Variants in CD101 observed in about 807,000 individuals in gnomAD.
CD101 encodes CD101 molecule, also known as immunoglobulin superfamily member 2.
In CD101, 76 loss-of-function variants were observed where a neutral mutation model predicts 98.2. That is an observed-to-expected ratio of 0.77 (90% CI 0.64 to 0.94). The LOEUF is 0.94. Ranked by LOEUF, CD101 falls within the 40% of genes least tolerant of loss-of-function variation. The pLI is 0.00. For synonymous variants in CD101, 471 were observed against 472.7 expected, an observed-to-expected ratio of 1.00 and a Z score of 0.05; for missense variants, 1,145 against 1,218.8, an observed-to-expected ratio of 0.94 and a Z score of 0.90.
In CD101 at chr1:117,034,117, T is replaced by G. The variant is rs374720941; in HGVS notation, c.*16T>G. ...AGGCAACTGAATCCCAAGAGGCACC[T>G]GCAGCCAGGAAGGAAAGGTGGGGGC... is the stretch of plus-strand genomic sequence containing the variant. On this transcript the variant is annotated 3_prime_UTR_variant, in exon 9 of 10. Transcript: ENST00000682167. 6 of 1,613,276 alleles carry G rather than the reference T, an allele frequency of 3.7e-6. No individual in the cohort carries two copies. The African/African-American group carries it at 5.3e-5, about 14-fold the overall frequency.
chr1:117,023,817 C>T lies in CD101; in HGVS notation c.2429-1692C>T, dbSNP rs1422411225. ...GCACGTCATTTAGGGAACAAGTTAA[C>T]CAAGAGGCCCCAGAAAGATGCTGAG... On this transcript the variant is annotated intron_variant, in intron 7 of 9. Transcript: ENST00000682167. This position sits in a 1 kb window ranked among gnomAD's most constrained non-coding sequence, Gnocchi z 4.4. Among the ~76,000 whole-genome samples the T allele has an allele frequency of 1.3e-5, 2 of 152,036 alleles. No homozygotes were observed. The highest frequency in any genetic ancestry group is 4.8e-5 in the African/African-American group (2 of 41,376).
intron 7 of CD101, among the ~76,000 whole-genome samples, chr1:117,024,140 G>C (rs759248616): frequency 6.6e-6 from 1 of 152,196 alleles, no homozygotes; most frequent in Non-Finnish European, 1.5e-5. Flanking sequence ...AACTAAGAAA[G>C]AGTCCAAGAT....
intron 3 of CD101, 68 bp from the exon 4 acceptor site, chr1:117,013,338 C>G: frequency 1.3e-6 from 2 of 1,491,868 alleles, no homozygotes; most frequent in South Asian, 1.4e-5. Context: ...AGGGTGTCAT[C>G]TCTCTCTGGT....
Position 117,033,771 on chromosome 1 carries a change from C to T in CD101, c.2825-89C>T. 2 of 1,553,914 alleles carry T rather than the reference C, an allele frequency of 1.3e-6. No homozygotes were observed. The highest frequency in any genetic ancestry group is 2.3e-5 in the East Asian group (1 of 44,418). On this transcript the variant is annotated intron_variant, in intron 8 of 9. Transcript: ENST00000682167. This position sits in a 1 kb window ranked among gnomAD's most constrained non-coding sequence, Gnocchi z 4.8. Reference sequence around the variant, plus strand: ...CCCCATTATTTTTACATATACTTGCCTATAACAATAAATCCCAGGAGTGTT... The same window carrying T: ...CCCCATTATTTTTACATATACTTGCTTATAACAATAAATCCCAGGAGTGTT...
intron 8 of CD101, among the ~76,000 whole-genome samples, chr1:117,030,405 A>G (rs1038256286): frequency 3.3e-5 from 5 of 149,254 alleles, no homozygotes; most frequent in African/African-American, 7.4e-5. Context: ...CAAACAAACA[A>G]AGAGAGAGAG....
intron 9 of CD101, among the ~76,000 whole-genome samples, chr1:117,034,761 G>A (rs1040562981): frequency 1.3e-5 from 2 of 152,092 alleles, no homozygotes; most frequent in African/African-American, 4.8e-5. Context: ...TTTATTGTTT[G>A]ATAAGACTTT....
At chr1:117,028,386 G>T (rs1044607884) in intron 8 of CD101, among the ~76,000 whole-genome samples, 40 of 152,156 alleles carry the variant, frequency 2.6e-4, no homozygotes, top group African/African-American at 9.4e-4. Flanking sequence ...ACCAAGCAAG[G>T]TAATATATGA....
rs1654835123 is a variant in CD101 at position 117,036,392 on chromosome 1, C to CCCCT, written c.*262_*265dup. The CCCCT allele has an allele frequency of 6.6e-6, 1 of 152,332 alleles. No individual in the cohort carries two copies. Among genetic ancestry groups the CCCCT allele is most frequent in the African/African-American group, 2.4e-5 (1 of 41,426 alleles). The allele number at this position is 152,332 out of a possible 1,614,324, so 9.4% of individuals were successfully genotyped here. On this transcript the variant is annotated 3_prime_UTR_variant, in exon 10 of 10. Transcript: ENST00000682167. This position sits in a 1 kb window ranked among gnomAD's most constrained non-coding sequence, Gnocchi z 5.0. ...ACTCACTGCGGCTGCGCCACTGGGA[C>CCCCT]CCCTCCCCTACATGCACCAATGCAC... is the stretch of plus-strand genomic sequence containing the variant.
chr1:117,025,772 C>G lies in CD101; in HGVS notation c.2692C>G (p.Gln898Glu). 1 of 1,614,194 alleles carries G rather than the reference C, an allele frequency of 6.2e-7. No homozygotes were observed. Among genetic ancestry groups the G allele is most frequent in the Non-Finnish European group, 8.5e-7 (1 of 1,180,044 alleles). ...TACAGACTTTGTCCTGAAGCTTCAT[C>G]AGGTGGAGATGGAGGATGCAGGAAT... ...SSTDFVLKLHQVEMEDAGMYW... is the reference protein window; with the variant it reads ...SSTDFVLKLHEVEMEDAGMYW... Residue 898 changes from glutamine (Q) to glutamate (E), a missense_variant, in exon 8 of 10, where the codon CAG (glutamine) becomes GAG (glutamate). Physicochemically the swap from Gln to Glu is conservative, Grantham distance 29. Coordinates refer to ENST00000682167, the MANE Select transcript of CD101 (RefSeq NM_001256106.3).
Position 117,024,698 on chromosome 1 carries a change from G to A in CD101, c.2429-811G>A, listed in dbSNP as rs1398543760. On this transcript the variant is annotated intron_variant, in intron 7 of 9. Coordinates refer to ENST00000682167, the MANE Select transcript of CD101 (RefSeq NM_001256106.3). ...ATCCAATCATCTAAATAGCTCCCAT[G>A]GATGGCCTTCTAACACTTGCATCAA... Among the ~76,000 whole-genome samples the A allele has an allele frequency of 2.6e-5, 4 of 152,164 alleles. No individual in the cohort carries two copies. In the East Asian group the frequency reaches 7.7e-4, roughly 29 times the overall value.
Position 117,022,114 on chromosome 1 carries a change from C to A in CD101, c.2428+131C>A. ...AAGTCATAGGAACAGTATCTACCTA[C>A]ACATGACTGCAAGACCGAGTAGTCC... On this transcript the variant is annotated intron_variant, in intron 7 of 9. Transcript: ENST00000682167. This position sits in a 1 kb window ranked among gnomAD's most constrained non-coding sequence, Gnocchi z 4.8. The A allele has an allele frequency of 1.0e-6, 1 of 997,622 alleles. No individual in the cohort carries two copies. Among genetic ancestry groups the A allele is most frequent in the Non-Finnish European group, 1.5e-6 (1 of 681,498 alleles). The allele number at this position is 997,622 out of a possible 1,614,324, so 61.8% of individuals were successfully genotyped here.
At chr1:117,027,975 C>G (rs1353640342) in intron 8 of CD101, among the ~76,000 whole-genome samples, 1 of 152,102 alleles carries the variant, frequency 6.6e-6, no homozygotes, top group Non-Finnish European at 1.5e-5. Flanking sequence ...ATCCCAGCTA[C>G]TCGGGAGGCT....
Position 117,025,874 on chromosome 1 carries a change from C to T in CD101, c.2794C>T (p.Gln932Ter). Residue 932 changes from glutamine to a stop codon, truncating the protein, a stop_gained, in exon 8 of 10, where the codon CAG becomes TAG. Transcript: ENST00000682167. LOFTEE classifies it high-confidence loss of function. ...KWINQASDES[Q>*]RMVLTVLPSE... Reference sequence around the variant, plus strand: ...GATTAATCAAGCATCCGATGAGTCACAGCGGATGGTGCTCACGGTGCTGCC... The same window carrying T: ...GATTAATCAAGCATCCGATGAGTCATAGCGGATGGTGCTCACGGTGCTGCC... 6.2e-7 allele frequency: 1 copy of T among 1,612,968 alleles called. No individual in the cohort carries two copies. Among genetic ancestry groups the T allele is most frequent in the Non-Finnish European group, 8.5e-7 (1 of 1,179,090 alleles).
At chr1:117,016,453 C>T (rs1653223064) in intron 4 of CD101, among the ~76,000 whole-genome samples, 1 of 152,082 alleles carries the variant, frequency 6.6e-6, no homozygotes, top group Non-Finnish European at 1.5e-5. Flanking sequence ...GTTTCAGGCT[C>T]TTATATCTAC....
intron 7 of CD101, among the ~76,000 whole-genome samples, chr1:117,024,691 C>T (rs1653793698): frequency 6.6e-6 from 1 of 152,186 alleles, no homozygotes. Flanking sequence ...ATCTAAATAG[C>T]TCCCATGGAT....
chr1:117,003,091 A>G (rs1342260219), intron 1 of CD101, among the ~76,000 whole-genome samples: 1 of 152,036 alleles, frequency 6.6e-6, no homozygotes, highest in Non-Finnish European at 1.5e-5. Flanking sequence ...GCAGTGAGCC[A>G]AGATTGAGCC....
At position 117,010,780 on chromosome 1, in the gene CD101, C is replaced by G. The variant is rs186985512; in HGVS notation, c.424+550C>G. Among the ~76,000 whole-genome samples, 395 of 152,300 alleles carry G rather than the reference C, an allele frequency of 2.6e-3. No individual in the cohort carries two copies. The highest frequency in any genetic ancestry group is 8.4e-3 in the African/African-American group (351 of 41,548). On this transcript the variant is annotated intron_variant, in intron 2 of 9. Transcript: ENST00000682167. The surrounding 1 kb of genome is among the most constrained non-coding windows in gnomAD (Gnocchi z 5.2). ...ACTTCAGGACCCAGTTTAGATATTA[C>G]CTCTTCTGTGGAACTCATCTTGACT... is the stretch of plus-strand genomic sequence containing the variant.
rs1273913983 is a variant in CD101, at chr1:117,019,276, G to A, written c.2017+716G>A. Among the ~76,000 whole-genome samples, 1 of 152,158 alleles carries A rather than the reference G, an allele frequency of 6.6e-6. No individual in the cohort carries two copies. The highest frequency in any genetic ancestry group is 1.5e-5 in the Non-Finnish European group (1 of 68,024). ...TGCTGAAGCCTTAGTTACCTGATCT[G>A]TAAATTGTTAATGTGCAATTTAAAT... is the stretch of plus-strand genomic sequence containing the variant. On this transcript the variant is annotated intron_variant, in intron 6 of 9. Transcript: ENST00000682167. This position sits in a 1 kb window ranked among gnomAD's most constrained non-coding sequence, Gnocchi z 4.3.
chr1:117,013,025 G>A (rs1453677961), intron 3 of CD101, among the ~76,000 whole-genome samples: 1 of 152,082 alleles, frequency 6.6e-6, no homozygotes, highest in Non-Finnish European at 1.5e-5. Context: ...AGCCAAAAAA[G>A]AGAGTAAGAA....
Sources: allele counts gnomAD v4.1 joint callset (sites outside exome capture counted in the v4.1 genomes callset), GRCh38; gene constraint gnomAD v4.1.1; non-coding constraint Gnocchi (gnomAD v3.1); transcripts MANE v1.5; gene names NCBI Gene and HGNC (gene_info 2026-07-23, HGNC 2026-07-21).